Variants in ZNRF3 observed in about 807,000 individuals in gnomAD.
ZNRF3 encodes the protein E3 ubiquitin-protein ligase ZNRF3.
A neutral mutation model predicts 72.5 loss-of-function variants in ZNRF3; 23 were observed. The ratio of observed to expected loss-of-function variants is 0.32; its 90% CI spans 0.23 to 0.45. The LOEUF (loss-of-function observed/expected upper bound fraction) is 0.45. Ranked by LOEUF, ZNRF3 falls within the 20% of genes least tolerant of loss-of-function variation. The pLI is 1.00. For synonymous variants in ZNRF3, 610 were observed against 545.3 expected (o/e 1.12, Z -1.65); for missense variants, 1,169 against 1,272.1 (o/e 0.92, Z 1.23).
intron 2 of ZNRF3, chr22:29,017,963 A>G (rs2036465144): frequency 3.9e-6 from 2 of 518,790 alleles, no homozygotes; most frequent in Non-Finnish European, 7.7e-6. Context: ...ACAGCAGTTG[A>G]GGTAACATGA....
Position 28,940,496 on chromosome 22 carries a change from CTTTT to C in ZNRF3, c.301-46566_301-46563del, listed in dbSNP as rs575819283. ...GTTACAGAGCCACACTAGGTTTCTG[CTTTT>C]TTTTTTTTTTTTTCTTAAATAGGAG... is the stretch of plus-strand genomic sequence containing the variant. On this transcript the variant is annotated intron_variant, in intron 1 of 8. Transcript: ENST00000544604. Among the ~76,000 whole-genome samples the C allele has an allele frequency of 2.3e-4, 32 of 138,234 alleles. No individual in the cohort carries two copies. The East Asian group carries it at 4.8e-3, about 21-fold the overall frequency. The allele number at this position is 138,234 out of a possible 152,430, so 90.7% of individuals were successfully genotyped here. A position where few individuals can be genotyped will look rare whatever the true frequency, so the allele number is the denominator to read the frequency against.
rs1022590922 is a variant in ZNRF3, at chr22:29,046,700, A to G, written c.745-16A>G. The G allele has an allele frequency of 1.9e-6, 3 of 1,585,832 alleles. No individual in the cohort carries two copies. Among genetic ancestry groups the G allele is most frequent in the Non-Finnish European group, 2.6e-6 (3 of 1,165,496 alleles). On this transcript the variant is annotated splice_polypyrimidine_tract_variant and intron_variant, in intron 5 of 8. Transcript: ENST00000544604. Reference sequence around the variant, plus strand: ...TACGTACTGGACCCTCACACAGACTACATTCTGCCCTGCAGAATTCCATGA... The same window carrying G: ...TACGTACTGGACCCTCACACAGACTGCATTCTGCCCTGCAGAATTCCATGA...
chr22:28,918,744 C>T (rs967775247), intron 1 of ZNRF3, among the ~76,000 whole-genome samples: 9 of 152,096 alleles, frequency 5.9e-5, no homozygotes, highest in African/African-American at 1.4e-4. Flanking sequence ...GTTTCCACTT[C>T]GTCCTAAAGT....
chr22:29,041,632 T>C (rs572767834), intron 2 of ZNRF3, among the ~76,000 whole-genome samples: 1 of 152,274 alleles, frequency 6.6e-6, no homozygotes, highest in East Asian at 1.9e-4. Context: ...CCAGCCCTGC[T>C]CAATCAGTCT....
At chr22:28,946,060 C>G (rs894770519) in intron 1 of ZNRF3, among the ~76,000 whole-genome samples, 1 of 152,146 alleles carries the variant, frequency 6.6e-6, no homozygotes, top group Admixed American at 6.5e-5. Flanking sequence ...AGGCAATGCT[C>G]ATTGGAGCAT....
At chr22:28,906,538 A>G (rs912128754) in intron 1 of ZNRF3, among the ~76,000 whole-genome samples, 5 of 152,228 alleles carry the variant, frequency 3.3e-5, no homozygotes, top group Non-Finnish European at 7.3e-5. Context: ...TTCTTCATCT[A>G]TAACATGGGA....
intron 1 of ZNRF3, among the ~76,000 whole-genome samples, chr22:28,973,939 ATCTC>A (rs1045233991): frequency 2.7e-5 from 4 of 147,610 alleles, no homozygotes; most frequent in Admixed American, 1.4e-4. Flanking sequence ...AAAGGAATGC[ATCTC>A]TCTCTCTCTC....
rs1049400785 is a variant in ZNRF3 at position 29,038,991 on chromosome 22, A to G, written c.427-3504A>G. Among the ~76,000 whole-genome samples the G allele has an allele frequency of 7.9e-5, 12 of 151,798 alleles. No individual in the cohort carries two copies. The South Asian group carries it at 1.0e-3, about 13-fold the overall frequency. Reference sequence around the variant, plus strand: ...AGAGAGAGAGAGAGAGACAGATTCAAACCCCTGGGCTCAAGTGATACTCCC... The same window carrying G: ...AGAGAGAGAGAGAGAGACAGATTCAGACCCCTGGGCTCAAGTGATACTCCC... On this transcript the variant is annotated intron_variant, in intron 2 of 8. Coordinates refer to ENST00000544604, the MANE Select transcript of ZNRF3 (RefSeq NM_001206998.2).
Position 29,042,506 on chromosome 22 carries a change from A to C in ZNRF3, c.438A>C (p.Ala146=), listed in dbSNP as rs755359471. 6.2e-7 allele frequency: 1 copy of C among 1,613,838 alleles called. No homozygotes were observed. Reference sequence around the variant, plus strand: ...TTTAACTCTGGCAGGCCAAGCGAGCAGTACAGCGGGGAGCTACTGCAGTCA... The same window carrying C: ...TTTAACTCTGGCAGGCCAAGCGAGCCGTACAGCGGGGAGCTACTGCAGTCA... ...CLTVLGKAKR[A]VQRGATAVIF... Residue 146 remains alanine (A), a synonymous_variant, in exon 3 of 9, where the codon GCA becomes GCC. Coordinates refer to ENST00000544604, the MANE Select transcript of ZNRF3 (RefSeq NM_001206998.2).
intron 1 of ZNRF3, among the ~76,000 whole-genome samples, chr22:28,898,801 C>A (rs780197443): frequency 6.6e-5 from 10 of 151,974 alleles, no homozygotes; most frequent in Non-Finnish European, 1.5e-4. Context: ...TAACAGGCTA[C>A]ATGTGAGAGA....
rs1410869458 is a variant in ZNRF3, at chr22:28,937,203, ATATATATATATATTTTTTTTT to A, written c.301-49871_301-49851del. Among the ~76,000 whole-genome samples the A allele has an allele frequency of 2.7e-3, 26 of 9,572 alleles. No individual in the cohort carries two copies. The South Asian group carries it at 0.045, about 17-fold the overall frequency. 6.3% of individuals were successfully genotyped at this position (9,572 alleles called of 152,430 possible). On this transcript the variant is annotated intron_variant, in intron 1 of 8. Coordinates refer to ENST00000544604, the MANE Select transcript of ZNRF3 (RefSeq NM_001206998.2). ...TATATATATATATATATATATATAT[ATATATATATATATTTTTTTTT>A]TTTTTTTTTTTTTTAACAAAAGGAA...
At chr22:29,050,999 G>C in intron 8 of ZNRF3, 51 bp downstream of exon 8, 5 of 1,488,156 alleles carry the variant, frequency 3.4e-6, no homozygotes, top group Non-Finnish European at 4.4e-6. Context: ...CATCAGGGTC[G>C]TCTTGTCTTC....
chr22:28,886,350 G>A (rs1382948143), intron 1 of ZNRF3, among the ~76,000 whole-genome samples: 1 of 152,224 alleles, frequency 6.6e-6, no homozygotes, highest in South Asian at 2.1e-4. Flanking sequence ...TGAGAAATGA[G>A]AAAGCAGAAG....
At chr22:28,931,109 A>G (rs776139501) in intron 1 of ZNRF3, among the ~76,000 whole-genome samples, 25 of 152,304 alleles carry the variant, frequency 1.6e-4, no homozygotes, top group Non-Finnish European at 3.1e-4. Flanking sequence ...GGAGGAAAAG[A>G]AGTAGTCATT....
chr22:28,996,903 T>C (rs2123837913), intron 2 of ZNRF3, among the ~76,000 whole-genome samples: 1 of 152,322 alleles, frequency 6.6e-6, no homozygotes, highest in East Asian at 1.9e-4. Flanking sequence ...ATAAGCCATG[T>C]AGATATTGTG....
chr22:28,944,372 T>C (rs1167623030), intron 1 of ZNRF3, among the ~76,000 whole-genome samples: 2 of 152,178 alleles, frequency 1.3e-5, no homozygotes, highest in South Asian at 2.1e-4. Context: ...CCTGTAATCC[T>C]AGCACTTTGG....
intron 1 of ZNRF3, among the ~76,000 whole-genome samples, chr22:28,907,525 AT>A (rs2034233765): frequency 6.6e-6 from 1 of 152,154 alleles, no homozygotes; most frequent in Non-Finnish European, 1.5e-5. Context: ...CAGTGCCCAG[AT>A]GGTGTCCGTG....
At chr22:28,965,493 G>T (rs546305417) in intron 1 of ZNRF3, among the ~76,000 whole-genome samples, 94 of 152,300 alleles carry the variant, frequency 6.2e-4, no homozygotes, top group Non-Finnish European at 2.8e-4. Flanking sequence ...ACCCAGGCAG[G>T]CTGTGAGCCT....
At chr22:29,010,538 C>A in intron 2 of ZNRF3, among the ~76,000 whole-genome samples, 1 of 152,282 alleles carries the variant, frequency 6.6e-6, no homozygotes, top group Non-Finnish European at 1.5e-5. Context: ...CTTTTGATTA[C>A]TGTAAATAAT....
Sources: allele counts gnomAD v4.1 joint callset (sites outside exome capture counted in the v4.1 genomes callset), GRCh38; gene constraint gnomAD v4.1.1; transcripts MANE v1.5; gene names NCBI Gene and HGNC (gene_info 2026-07-23, HGNC 2026-07-21).